CTSH: variants seen among roughly 807,000 people sequenced by gnomAD.
The protein encoded by CTSH is cathepsin H, also known as pro-cathepsin H.
Under a neutral mutation model 56.3 loss-of-function variants are expected in CTSH, and 52 were observed. The observed-to-expected ratio is 0.92, with a 90% CI of 0.74 to 1.16. The LOEUF (loss-of-function observed/expected upper bound fraction) is 1.16. Ranked by LOEUF, CTSH falls within the 50% of genes most tolerant of loss-of-function variation. The pLI is 0.00. For synonymous variants in CTSH, 174 were observed against 155.7 expected, an observed-to-expected ratio of 1.12 and a Z score of -0.88; for missense variants, 406 against 424.5, an observed-to-expected ratio of 0.96 and a Z score of 0.38.
intron 8 of CTSH, among the ~76,000 whole-genome samples, chr15:78,928,489 C>T (rs560736803): frequency 2.2e-5 from 3 of 139,192 alleles, no homozygotes; most frequent in Admixed American, 7.9e-5. Flanking sequence ...TGCTTGAACT[C>T]GGGAGGCGGA....
chr15:78,939,363 G>A (rs1161138748), intron 1 of CTSH, among the ~76,000 whole-genome samples, 192 bp from the exon 2 acceptor site: 1 of 152,194 alleles, frequency 6.6e-6, no homozygotes, highest in Non-Finnish European at 1.5e-5. Flanking sequence ...CCAAATTAAT[G>A]TGAAAAAGTA....
chr15:78,937,011 C>G (rs2055190244), intron 3 of CTSH: 1 of 345,610 alleles, frequency 2.9e-6, no homozygotes, highest in Admixed American at 4.4e-5. Flanking sequence ...AACCCCTACC[C>G]CCCGCAACAA....
rs963287371 is a variant in CTSH, at chr15:78,921,426, G to A, written c.*704C>T. On this transcript the variant is annotated 3_prime_UTR_variant, in exon 12 of 12. Coordinates refer to ENST00000220166, the MANE Select transcript of CTSH (RefSeq NM_004390.5). ...GGGGTGGGCAGTCTCATGTGGAGGT[G>A]GGGGGCAGAGTCTGAGTAGGAGTAG... is the stretch of plus-strand genomic sequence containing the variant. The A allele has an allele frequency of 2.6e-5, 4 of 152,452 alleles. No homozygotes were observed. Among genetic ancestry groups the A allele is most frequent in the East Asian group, 3.9e-4 (2 of 5,180 alleles). The allele number at this position is 152,452 out of a possible 1,614,324, so 9.4% of individuals were successfully genotyped here.
In CTSH at chr15:78,931,376, A is replaced by G. The variant is rs1201528453; in HGVS notation, c.548+75T>C. Reference sequence around the variant, plus strand: ...GGTGGGTTATATCTGTGGCAGACCCAGCACACACTGGATCCTGTCGAAGCG... The same window carrying G: ...GGTGGGTTATATCTGTGGCAGACCCGGCACACACTGGATCCTGTCGAAGCG... On this transcript the variant is annotated intron_variant, in intron 7 of 11. Coordinates refer to ENST00000220166, the MANE Select transcript of CTSH (RefSeq NM_004390.5). The G allele has an allele frequency of 8.2e-6, 13 of 1,589,262 alleles. No individual in the cohort carries two copies. The East Asian group carries it at 2.7e-4, about 33-fold the overall frequency.
chr15:78,922,658 G>C (rs537918686), intron 11 of CTSH, among the ~76,000 whole-genome samples: 30 of 152,318 alleles, frequency 2.0e-4, no homozygotes, highest in African/African-American at 6.5e-4. Context: ...TACATTTGTT[G>C]CTTTGATTTC....
chr15:78,931,473 A>T lies in CTSH; in HGVS notation c.526T>A (p.Phe176Ile). ...TACCCTTGGCAGCCGTGATTATTGA[A>T]GTCCTGGGCGCAGTCCACCAGCTGC... ...EQQLVDCAQDFNNHGCQGGLP... is the reference protein window; with the variant it reads ...EQQLVDCAQDINNHGCQGGLP... Residue 176 changes from phenylalanine to isoleucine, a missense_variant, in exon 7 of 12, where the codon TTC becomes ATC. Physicochemically the swap from Phe to Ile is conservative, Grantham distance 21 (BLOSUM62 0). Transcript: ENST00000220166. 1 of 1,614,216 alleles carries T rather than the reference A, an allele frequency of 6.2e-7. No individual in the cohort carries two copies. Among genetic ancestry groups the T allele is most frequent in the Non-Finnish European group, 8.5e-7 (1 of 1,180,030 alleles).
At chr15:78,926,988 G>A (rs2054918566) in intron 9 of CTSH, 1 of 152,226 alleles carries the variant, frequency 6.6e-6, no homozygotes, top group Non-Finnish European at 1.5e-5. Context: ...ACATTCGTGG[G>A]CGCACACACA....
chr15:78,940,011 G>A (rs1197633935), intron 1 of CTSH, among the ~76,000 whole-genome samples: 1 of 152,202 alleles, frequency 6.6e-6, no homozygotes, highest in East Asian at 1.9e-4. Context: ...ACTCAACTCT[G>A]CCCCTGCGGC....
chr15:78,932,022 C>A, intron 6 of CTSH: 1 of 1,186,896 alleles, frequency 8.4e-7, no homozygotes, highest in East Asian at 4.9e-5. Flanking sequence ...GCTCTTCCCT[C>A]ATGAAGACAA....
At position 78,942,819 on chromosome 15, in the gene CTSH, C is replaced by A. The variant is rs11855530; in HGVS notation, c.91+2072G>T. 2.0e-5 allele frequency among the ~76,000 whole-genome samples: 3 copies of A among 152,204 alleles called. No individual in the cohort carries two copies. In the East Asian group the frequency reaches 5.8e-4, roughly 29 times the overall value. ...TGCCGGCATCACTTGAAATATCTTCCTGTTTCCCCAAGGATCCATACCTCC... is the reference window on the plus strand; with the variant it reads ...TGCCGGCATCACTTGAAATATCTTCATGTTTCCCCAAGGATCCATACCTCC... On this transcript the variant is annotated intron_variant, in intron 1 of 11. Coordinates refer to ENST00000220166, the MANE Select transcript of CTSH (RefSeq NM_004390.5).
rs2054776115 is a variant in CTSH at position 78,921,884 on chromosome 15, T to G, written c.*246A>C. The G allele has an allele frequency of 9.5e-6, 5 of 528,546 alleles. No individual in the cohort carries two copies. Among genetic ancestry groups the G allele is most frequent in the Non-Finnish European group, 1.7e-5 (5 of 296,858 alleles). 32.7% of individuals were successfully genotyped at this position (528,546 alleles called of 1,614,324 possible). ...ACAGAAAGAATATTCGTGGTCCATG[T>G]GGTTTGAGTCTGTTAAGAAGGACAC... On this transcript the variant is annotated 3_prime_UTR_variant, in exon 12 of 12. Coordinates refer to ENST00000220166, the MANE Select transcript of CTSH (RefSeq NM_004390.5).
chr15:78,930,114 G>A (rs962568255), intron 7 of CTSH, among the ~76,000 whole-genome samples: 5 of 152,204 alleles, frequency 3.3e-5, no homozygotes, highest in African/African-American at 7.2e-5. Context: ...CAGAATGCCC[G>A]CTCTTCCAGT....
intron 7 of CTSH, among the ~76,000 whole-genome samples, chr15:78,930,760 G>C (rs1213999451): frequency 6.6e-6 from 1 of 152,088 alleles, no homozygotes; most frequent in Admixed American, 6.5e-5. Context: ...CCTGCAGGAG[G>C]AAGAGCCAGC....
intron 1 of CTSH, among the ~76,000 whole-genome samples, chr15:78,939,811 A>C (rs2055251117): frequency 6.6e-6 from 1 of 152,158 alleles, no homozygotes. Context: ...TGAACCCGGG[A>C]GGCGGAGGTT....
At chr15:78,927,411 C>T (rs1409490299) in intron 9 of CTSH, 2 of 449,102 alleles carry the variant, frequency 4.5e-6, no homozygotes, top group Non-Finnish European at 8.1e-6. Flanking sequence ...GTGCTCATAC[C>T]CTCTTCTGCA....
intron 8 of CTSH, among the ~76,000 whole-genome samples, chr15:78,929,197 A>T (rs2054990404): frequency 6.6e-6 from 1 of 151,620 alleles, no homozygotes. Context: ...CAGAGCGGGT[A>T]TGGGGTGAGA....
At chr15:78,933,296 G>A (rs1349404138) in intron 5 of CTSH, among the ~76,000 whole-genome samples, 2 of 152,228 alleles carry the variant, frequency 1.3e-5, no homozygotes, top group African/African-American at 4.8e-5. Flanking sequence ...TGTAAAGTGG[G>A]AATGGCGAGG....
chr15:78,937,133 T>C lies in CTSH; in HGVS notation c.229+185A>G, dbSNP rs2055192242. On this transcript the variant is annotated intron_variant, in intron 3 of 11. Transcript: ENST00000220166. Reference sequence around the variant, plus strand: ...CAACCACCCAGAGGGGTACCGGCTTTGTCCCAAATTTACGATCCCACATTA... The same window carrying C: ...CAACCACCCAGAGGGGTACCGGCTTCGTCCCAAATTTACGATCCCACATTA... 7 of 593,638 alleles carry C rather than the reference T, an allele frequency of 1.2e-5. No homozygotes were observed. The Admixed American group carries it at 1.5e-4, about 13-fold the overall frequency. 36.8% of individuals were successfully genotyped at this position (593,638 alleles called of 1,614,324 possible).
chr15:78,931,694 G>A (rs1268105138), intron 6 of CTSH, 188 bp from the exon 7 acceptor site: 2 of 1,460,016 alleles, frequency 1.4e-6, no homozygotes, highest in Non-Finnish European at 1.8e-6. Context: ...CCCAGCAGCT[G>A]GCACATGTCG....
Sources: allele counts gnomAD v4.1 joint callset (sites outside exome capture counted in the v4.1 genomes callset), GRCh38; gene constraint gnomAD v4.1.1; transcripts MANE v1.5; gene names NCBI Gene and HGNC (gene_info 2026-07-23, HGNC 2026-07-21).